The following PTPRT variants were observed in gnomAD, a reference collection of about 807,000 sequenced individuals.
The protein encoded by PTPRT is protein tyrosine phosphatase receptor type T, also known as receptor-type tyrosine-protein phosphatase T.
A neutral mutation model predicts 176.8 loss-of-function variants in PTPRT; 56 were observed. That is an observed-to-expected ratio of 0.32 (90% CI 0.26 to 0.40). The LOEUF is 0.40. PTPRT is among the 10% of genes least tolerant of loss of function. The pLI, the probability that PTPRT is intolerant of heterozygous loss-of-function variation, is 1.00. For synonymous variants in PTPRT, 783 were observed against 739.0 expected, an observed-to-expected ratio of 1.06 and a Z score of -0.96; for missense variants, 1,540 against 1,908.2, an observed-to-expected ratio of 0.81 and a Z score of 3.60.
chr20:42,629,716 T>A (rs552058007), intron 7 of PTPRT, among the ~76,000 whole-genome samples: 1 of 152,268 alleles, frequency 6.6e-6, no homozygotes, highest in East Asian at 1.9e-4. Context: ...AAGCAATGAC[T>A]TAAAGCAGAC....
At chr20:42,928,718 C>A (rs147391038) in intron 1 of PTPRT, among the ~76,000 whole-genome samples, 49 of 152,272 alleles carry the variant, frequency 3.2e-4, no homozygotes, top group African/African-American at 1.1e-3. Context: ...CTCCTATGTT[C>A]CAGGTATTGG....
intron 7 of PTPRT, among the ~76,000 whole-genome samples, chr20:42,669,914 A>G (rs1366515267): frequency 3.3e-5 from 5 of 152,152 alleles, no homozygotes; most frequent in Admixed American, 3.3e-4. Flanking sequence ...TCTGCGTAAC[A>G]TGGTTCTCCC....
intron 9 of PTPRT, among the ~76,000 whole-genome samples, chr20:42,402,162 G>C (rs1453765622): frequency 6.6e-6 from 1 of 152,182 alleles, no homozygotes; most frequent in Non-Finnish European, 1.5e-5. Context: ...GAGATGGGGA[G>C]AGAAGGACAG....
intron 9 of PTPRT, among the ~76,000 whole-genome samples, chr20:42,440,276 G>C (rs1228946295): frequency 1.3e-5 from 2 of 152,078 alleles, no homozygotes; most frequent in Non-Finnish European, 2.9e-5. Flanking sequence ...CTCAAGGTGT[G>C]ATTCTAATCT....
At chr20:42,985,090 G>A (rs181833076) in intron 1 of PTPRT, among the ~76,000 whole-genome samples, 4 of 152,278 alleles carry the variant, frequency 2.6e-5, no homozygotes, top group East Asian at 1.9e-4. Context: ...TTGAAAGAAC[G>A]GAATGGAAGT....
At chr20:42,956,563 C>T (rs1468809244) in intron 1 of PTPRT, among the ~76,000 whole-genome samples, 1 of 152,136 alleles carries the variant, frequency 6.6e-6, no homozygotes, top group South Asian at 2.1e-4. Context: ...CCTGCAGAAC[C>T]AGGAGCCAAT....
intron 21 of PTPRT, among the ~76,000 whole-genome samples, chr20:42,115,660 T>C (rs898342709): frequency 2.6e-5 from 4 of 152,260 alleles, no homozygotes; most frequent in African/African-American, 9.6e-5. Flanking sequence ...AAAATAATAC[T>C]GAAGTTCAGA....
chr20:42,136,076 A>G (rs977106095), intron 18 of PTPRT, among the ~76,000 whole-genome samples: 5 of 152,030 alleles, frequency 3.3e-5, no homozygotes, highest in African/African-American at 1.2e-4. Flanking sequence ...CCCTCCCTCC[A>G]TCACCAAAGA....
At chr20:42,886,229 G>A (rs2079101141) in intron 1 of PTPRT, among the ~76,000 whole-genome samples, 1 of 152,116 alleles carries the variant, frequency 6.6e-6, no homozygotes, top group African/African-American at 2.4e-5. Flanking sequence ...ATTCTAAGTA[G>A]GAAAAATGAA....
chr20:42,402,898 G>T (rs558020845), intron 9 of PTPRT, among the ~76,000 whole-genome samples: 1 of 152,010 alleles, frequency 6.6e-6, no homozygotes, highest in African/African-American at 2.4e-5. Flanking sequence ...GAGCATGTGG[G>T]TATTACAAGG....
At chr20:42,085,662 C>G in intron 28 of PTPRT, 66 bp downstream of exon 28, 2 of 1,599,888 alleles carry the variant, frequency 1.3e-6, no homozygotes, top group African/African-American at 2.7e-5. Context: ...GCGGGATCCT[C>G]TCTCGGCAGC....
At chr20:42,551,390 C>T (rs988331568) in intron 7 of PTPRT, among the ~76,000 whole-genome samples, 13 of 152,076 alleles carry the variant, frequency 8.5e-5, no homozygotes, top group African/African-American at 3.1e-4. Flanking sequence ...CATCCATAGA[C>T]AAATTTCAAT....
At chr20:42,277,785 T>C (rs929498490) in intron 13 of PTPRT, among the ~76,000 whole-genome samples, 3 of 151,844 alleles carry the variant, frequency 2.0e-5, no homozygotes, top group Admixed American at 6.6e-5. Context: ...TTTACCTCTG[T>C]CACTTTTACT....
chr20:42,256,368 C>A (rs2056639148), intron 13 of PTPRT, among the ~76,000 whole-genome samples: 1 of 151,996 alleles, frequency 6.6e-6, no homozygotes, highest in South Asian at 2.1e-4. Context: ...AAATTGCATC[C>A]CAAGGCATTG....
intron 7 of PTPRT, among the ~76,000 whole-genome samples, chr20:42,501,437 C>T (rs930982701): frequency 6.6e-6 from 1 of 152,128 alleles, no homozygotes; most frequent in African/African-American, 2.4e-5. Flanking sequence ...GATATATATG[C>T]ATTTCTGTGA....
At chr20:42,038,216 T>C in the PTPRT span, among the ~76,000 whole-genome samples, 1 of 152,114 alleles carries the variant, frequency 6.6e-6, no homozygotes, top group African/African-American at 2.4e-5. Flanking sequence ...ACTTGGAAGG[T>C]AGACATTATT....
At chr20:42,807,087 A>G (rs1339086332) in intron 2 of PTPRT, among the ~76,000 whole-genome samples, 6 of 152,184 alleles carry the variant, frequency 3.9e-5, no homozygotes, top group Non-Finnish European at 8.8e-5. Context: ...ATGTGAAAAG[A>G]AAGGTGGGAG....
intron 9 of PTPRT, among the ~76,000 whole-genome samples, chr20:42,379,146 C>G (rs921090688): frequency 9.9e-5 from 15 of 152,214 alleles, no homozygotes; most frequent in Admixed American, 9.2e-4. Context: ...GCCTACCACT[C>G]CCTCCCTCAG....
intron 4 of PTPRT, among the ~76,000 whole-genome samples, chr20:42,777,734 G>A (rs901922127): frequency 4.6e-5 from 7 of 152,152 alleles, no homozygotes; most frequent in Middle Eastern, 3.2e-3. Context: ...ACCTGGGCTA[G>A]GTATGGACTG....
Sources: gnomAD v4.1 joint callset for allele counts (sites outside exome capture counted in the v4.1 genomes callset) on GRCh38, gnomAD v4.1.1 for gene constraint, MANE v1.5 for transcripts, NCBI Gene and HGNC (gene_info 2026-07-23, HGNC 2026-07-21) for gene names.